RNLS: variants seen among roughly 807,000 people sequenced by gnomAD.
The protein encoded by RNLS is renalase, FAD dependent amine oxidase.
Under a neutral mutation model 39.8 loss-of-function variants are expected in RNLS, and 39 were observed. The observed-to-expected ratio is 0.98, with a 90% CI of 0.76 to 1.28. The LOEUF (loss-of-function observed/expected upper bound fraction) is 1.28. RNLS is among the 50% of genes most tolerant of loss of function. RNLS has a pLI of 0.00. For missense variants in RNLS, 410 were observed against 413.3 expected, an observed-to-expected ratio of 0.99 and a Z score of 0.07; for synonymous variants, 147 against 150.7, an observed-to-expected ratio of 0.98 and a Z score of 0.18.
the RNLS span, among the ~76,000 whole-genome samples, chr10:88,205,641 T>C: frequency 6.6e-6 from 1 of 152,048 alleles, no homozygotes; most frequent in Non-Finnish European, 1.5e-5. Context: ...ATCAAAAAGG[T>C]CTGGTCCCAA....
At chr10:88,510,856 A>G (rs1846078673) in intron 4 of RNLS, among the ~76,000 whole-genome samples, 1 of 151,196 alleles carries the variant, frequency 6.6e-6, no homozygotes. Flanking sequence ...CGAGAAAAAA[A>G]AAAAAGTTTA....
chr10:88,576,895 T>C (rs961114880), intron 3 of RNLS, among the ~76,000 whole-genome samples: 15 of 152,174 alleles, frequency 9.9e-5, no homozygotes, highest in Non-Finnish European at 1.6e-4. Flanking sequence ...ATGTCCTTTT[T>C]AGGTAGATGA....
chr10:88,288,747 T>C (rs1843460420), intron 6 of RNLS, among the ~76,000 whole-genome samples: 1 of 152,202 alleles, frequency 6.6e-6, no homozygotes, highest in Non-Finnish European at 1.5e-5. Flanking sequence ...ACTGGGCCAC[T>C]GATTAGCCAG....
At chr10:88,258,557 T>C in the RNLS span, among the ~76,000 whole-genome samples, 4 of 152,228 alleles carry the variant, frequency 2.6e-5, no homozygotes, top group African/African-American at 9.6e-5. Flanking sequence ...AACTGTCTAA[T>C]CATGGCTGCT....
At chr10:88,330,506 A>T (rs925537152) in intron 5 of RNLS, among the ~76,000 whole-genome samples, 1 of 152,148 alleles carries the variant, frequency 6.6e-6, no homozygotes, top group Non-Finnish European at 1.5e-5. Context: ...TAAATAATAT[A>T]GGCTTTTTAA....
At chr10:88,568,286 T>C (rs567142588) in intron 4 of RNLS, among the ~76,000 whole-genome samples, 3 of 152,000 alleles carry the variant, frequency 2.0e-5, no homozygotes, top group Admixed American at 1.3e-4. Context: ...AGTAGATTAA[T>C]GATTGCTTAG....
chr10:88,364,906 TAAAAA>T (rs1007262207), intron 4 of RNLS, among the ~76,000 whole-genome samples: 3 of 151,990 alleles, frequency 2.0e-5, no homozygotes, highest in Admixed American at 2.0e-4. Flanking sequence ...ATTTTTTAAA[TAAAAA>T]AACAAAACAA....
At chr10:88,344,001 A>C (rs1848140851) in intron 5 of RNLS, among the ~76,000 whole-genome samples, 2 of 152,298 alleles carry the variant, frequency 1.3e-5, no homozygotes, top group Middle Eastern at 3.4e-3. Context: ...ACTCACCAGC[A>C]GTATGCAGCC....
intron 4 of RNLS, among the ~76,000 whole-genome samples, chr10:88,370,515 A>C (rs1850467377): frequency 6.6e-6 from 1 of 152,188 alleles, no homozygotes; most frequent in South Asian, 2.1e-4. Flanking sequence ...AGCTGAAGTT[A>C]GGAAGCCAAT....
intron 4 of RNLS, among the ~76,000 whole-genome samples, chr10:88,398,092 C>T (rs1292634434): frequency 6.6e-6 from 1 of 151,982 alleles, no homozygotes; most frequent in African/African-American, 2.4e-5. Context: ...CATGGCAAGG[C>T]CAACAGATCA....
intron 4 of RNLS, among the ~76,000 whole-genome samples, chr10:88,554,092 C>T (rs1848731054): frequency 2.6e-5 from 4 of 151,012 alleles, no homozygotes. Flanking sequence ...ATACTTCGCC[C>T]ACAATGAGCA....
intron 4 of RNLS, among the ~76,000 whole-genome samples, chr10:88,422,762 CT>C (rs113940580): frequency 2.6e-3 from 374 of 142,646 alleles, no homozygotes; most frequent in Non-Finnish European, 2.8e-3. Context: ...TTAGATGGCC[CT>C]TTTTTTTTTT....
chr10:88,477,451 C>T (rs547766522), intron 4 of RNLS, among the ~76,000 whole-genome samples: 5 of 151,868 alleles, frequency 3.3e-5, no homozygotes, highest in South Asian at 4.2e-4. Flanking sequence ...GGGATGACAG[C>T]GATGGTGGGG....
In RNLS at chr10:88,583,214, G is replaced by C; in HGVS notation, c.-24C>G. 6.2e-7 allele frequency: 1 copy of C among 1,612,622 alleles called. No individual in the cohort carries two copies. Among genetic ancestry groups the C allele is most frequent in the South Asian group, 1.1e-5 (1 of 90,976 alleles). On this transcript the variant is annotated 5_prime_UTR_variant, in exon 1 of 7. Coordinates refer to ENST00000331772, the MANE Select transcript of RNLS (RefSeq NM_001031709.3). Reference sequence around the variant, plus strand: ...ATGGCGAGAGGGAGCAGCGATCCGCGCTGAGTCTCTGCGGCGGGGCCGTTC... The same window carrying C: ...ATGGCGAGAGGGAGCAGCGATCCGCCCTGAGTCTCTGCGGCGGGGCCGTTC...
At chr10:88,215,135 CTATTAT>C in the RNLS span, among the ~76,000 whole-genome samples, 1 of 151,266 alleles carries the variant, frequency 6.6e-6, no homozygotes, top group South Asian at 2.1e-4. Flanking sequence ...CCTAGTATCT[CTATTAT>C]TATTATTATT....
chr10:88,559,662 C>CTCATTCATTCATTCATTCATTCATTCAT (rs3033889), intron 4 of RNLS, among the ~76,000 whole-genome samples: 1 of 151,070 alleles, frequency 6.6e-6, no homozygotes, highest in East Asian at 1.9e-4. Flanking sequence ...GATTGTTTCA[C>CTCATTCATTCATTCATTCATTCATTCAT]TCATTCATTC....
chr10:88,352,053 T>C (rs1848758372), intron 5 of RNLS, among the ~76,000 whole-genome samples: 1 of 152,224 alleles, frequency 6.6e-6, no homozygotes, highest in Admixed American at 6.5e-5. Context: ...TGATTTTGTA[T>C]CCTGAGACTT....
rs78758487 is a variant in RNLS, at chr10:88,344,122, C to A, written c.700+18430G>T. Reference sequence around the variant, plus strand: ...ATTTTCCTGAATTGGGCAAGGTTTTCCCCTTGAGCCAGCATACTGGTTTGC... The same window carrying A: ...ATTTTCCTGAATTGGGCAAGGTTTTACCCTTGAGCCAGCATACTGGTTTGC... On this transcript the variant is annotated intron_variant, in intron 5 of 6. Transcript: ENST00000331772. 9.4e-3 allele frequency among the ~76,000 whole-genome samples: 1,426 copies of A among 152,260 alleles called. 22 individuals carry two copies. The highest frequency in any genetic ancestry group is 0.033 in the African/African-American group (1,350 of 41,534).
chr10:88,199,498 G>A, the RNLS span, among the ~76,000 whole-genome samples: 1 of 152,190 alleles, frequency 6.6e-6, no homozygotes, highest in African/African-American at 2.4e-5. Flanking sequence ...AATGTCTCCT[G>A]GAAGCAAAAT....
Sources: allele counts gnomAD v4.1 joint callset (sites outside exome capture counted in the v4.1 genomes callset), GRCh38; gene constraint gnomAD v4.1.1; transcripts MANE v1.5; gene names NCBI Gene and HGNC (gene_info 2026-07-23, HGNC 2026-07-21).